The following DACH2 variants were observed in gnomAD, a reference collection of about 807,000 sequenced individuals.
DACH2 encodes dachshund family transcription factor 2.
A neutral mutation model predicts 35.8 loss-of-function variants in DACH2; 17 were observed. The ratio of observed to expected loss-of-function variants is 0.48; its 90% confidence interval spans 0.33 to 0.71. The LOEUF (loss-of-function observed/expected upper bound fraction) is 0.71, where lower values mean the gene tolerates loss of function less well. Ranked by LOEUF, DACH2 falls within the 30% of genes least tolerant of loss-of-function variation. DACH2 has a pLI of 0.02. For synonymous variants in DACH2, 195 were observed against 177.3 expected, an observed-to-expected ratio of 1.10 and a Z score of -0.79; for missense variants, 469 against 472.7, an observed-to-expected ratio of 0.99 and a Z score of 0.07.
intron 1 of DACH2, among the ~76,000 whole-genome samples, chrX:86,155,318 T>C (rs1168773950): frequency 9.0e-6 from 1 of 110,810 alleles, no homozygotes; most frequent in Non-Finnish European, 1.9e-5. Context: ...ATTCACTTGG[T>C]AATGCTGAAA....
chrX:86,625,050 G>A (rs771015074), intron 3 of DACH2, among the ~76,000 whole-genome samples: 18 of 111,561 alleles, frequency 1.6e-4, no homozygotes, highest in African/African-American at 5.2e-4. Context: ...TAGTATGCCC[G>A]TTAGCAACCT....
intron 1 of DACH2, among the ~76,000 whole-genome samples, chrX:86,225,081 A>G (rs1219559220): frequency 9.0e-6 from 1 of 111,696 alleles, no homozygotes; most frequent in Non-Finnish European, 1.9e-5. Flanking sequence ...TTTTGCATGT[A>G]CTCAATTAAA....
chrX:86,580,464 A>G (rs1245882259), intron 3 of DACH2, among the ~76,000 whole-genome samples: 1 of 111,912 alleles, frequency 8.9e-6, no homozygotes, highest in East Asian at 2.8e-4. Flanking sequence ...TAAAATTGAA[A>G]CCCAATTCAA....
chrX:86,301,397 T>TA (rs1171142970), intron 1 of DACH2, among the ~76,000 whole-genome samples: 7 of 111,820 alleles, frequency 6.3e-5, no homozygotes, highest in Non-Finnish European at 1.1e-4. Flanking sequence ...GCTTCAGTGA[T>TA]AAAAAATTAT....
intron 2 of DACH2, among the ~76,000 whole-genome samples, chrX:86,492,219 G>A (rs185971885): frequency 2.7e-5 from 3 of 110,086 alleles, no homozygotes; most frequent in Admixed American, 9.8e-5. Context: ...ATTCTTCCAC[G>A]TCTGTGTTTT....
chrX:86,820,471 T>A lies in DACH2; in HGVS notation c.1750+4372T>A, dbSNP rs576386314. Among the ~76,000 whole-genome samples the A allele has an allele frequency of 2.8e-4, 31 of 110,355 alleles. 1 individual carries two copies. The South Asian group carries it at 0.012, about 42-fold the overall frequency. ...AAGTAAACCTACTAGACCTTTTTTTTTTCCTGAACCATTTTTGCTCAGAAA... is the reference window on the plus strand; with the variant it reads ...AAGTAAACCTACTAGACCTTTTTTTATTCCTGAACCATTTTTGCTCAGAAA... On this transcript the variant is annotated intron_variant, in intron 11 of 11. Coordinates refer to ENST00000373125, the MANE Select transcript of DACH2 (RefSeq NM_053281.3).
rs1050820746 is a variant in DACH2, at chrX:86,587,541, A to T, written c.641-63495A>T. Among the ~76,000 whole-genome samples the T allele has an allele frequency of 2.7e-5, 3 of 110,816 alleles. No individual in the cohort carries two copies. The Admixed American group carries it at 2.9e-4, about 11-fold the overall frequency. On this transcript the variant is annotated intron_variant, in intron 3 of 11. Coordinates refer to ENST00000373125, the MANE Select transcript of DACH2 (RefSeq NM_053281.3). ...TTTTGCATATTCAGTATGATGTTGGATGTGGATTTGTCATCGATGGCTCTA... is the reference window on the plus strand; with the variant it reads ...TTTTGCATATTCAGTATGATGTTGGTTGTGGATTTGTCATCGATGGCTCTA...
intron 1 of DACH2, among the ~76,000 whole-genome samples, chrX:86,255,792 A>G (rs930201437): frequency 3.6e-5 from 4 of 112,300 alleles, no homozygotes; most frequent in Non-Finnish European, 5.6e-5. Context: ...TTAAGATGAT[A>G]TTAGTGAAGT....
chrX:86,628,974 T>C (rs1462136878), intron 3 of DACH2, among the ~76,000 whole-genome samples: 1 of 112,487 alleles, frequency 8.9e-6, no homozygotes, highest in East Asian at 2.8e-4. Flanking sequence ...AAGTTAGCAC[T>C]ACAATTTAAT....
chrX:86,170,702 T>C (rs772424088), intron 1 of DACH2, among the ~76,000 whole-genome samples: 1 of 112,528 alleles, frequency 8.9e-6, no homozygotes, highest in East Asian at 2.8e-4. Flanking sequence ...AGTCAGCTTG[T>C]CGTTGTTAAC....
intron 2 of DACH2, among the ~76,000 whole-genome samples, chrX:86,416,432 G>T (rs73631936): frequency 0.011 from 1,266 of 111,662 alleles, 18 homozygotes; most frequent in African/African-American, 0.039. Context: ...AATATTCAAG[G>T]TGTATGTGTG....
intron 4 of DACH2, among the ~76,000 whole-genome samples, chrX:86,684,789 G>C (rs2040922653): frequency 9.1e-6 from 1 of 110,309 alleles, no homozygotes; most frequent in East Asian, 2.9e-4. Flanking sequence ...TGTAATTCAA[G>C]GCAGTCATTG....
At chrX:86,713,627 A>G (rs2041302492) in intron 5 of DACH2, among the ~76,000 whole-genome samples, 1 of 111,480 alleles carries the variant, frequency 9.0e-6, no homozygotes, top group Non-Finnish European at 1.9e-5. Flanking sequence ...TGTAGAGGTA[A>G]TTGTTTGTAA....
chrX:86,474,188 T>C (rs1306397265), intron 2 of DACH2, among the ~76,000 whole-genome samples: 2 of 112,077 alleles, frequency 1.8e-5, no homozygotes, highest in Non-Finnish European at 3.8e-5. Flanking sequence ...TATGCAAATA[T>C]TTGTCCCATT....
At chrX:86,788,441 A>G (rs1247679457) in intron 7 of DACH2, among the ~76,000 whole-genome samples, 1 of 110,842 alleles carries the variant, frequency 9.0e-6, no homozygotes, top group Non-Finnish European at 1.9e-5. Flanking sequence ...GTTCATTTCC[A>G]CCTAACTACC....
chrX:86,230,018 A>AATGGC (rs1365000325), intron 1 of DACH2, among the ~76,000 whole-genome samples: 1 of 110,391 alleles, frequency 9.1e-6, no homozygotes, highest in African/African-American at 3.3e-5. Flanking sequence ...GAGTGGTGAG[A>AATGGC]ATGGCATCCT....
intron 11 of DACH2, among the ~76,000 whole-genome samples, chrX:86,825,745 C>T (rs1297956169): frequency 4.5e-5 from 5 of 111,618 alleles, no homozygotes; most frequent in African/African-American, 6.5e-5. Flanking sequence ...TCAACAGTTG[C>T]AGATCTCTGT....
rs148745816 is a variant in DACH2, at chrX:86,221,903, G to A, written c.488+72795G>A. On this transcript the variant is annotated intron_variant, in intron 1 of 11. Transcript: ENST00000373125. ...CTTTCTCCTTAGCTTGCAGATGGCT[G>A]CCTTCTTGCTGTATCCTCACACGGC... is the stretch of plus-strand genomic sequence containing the variant. Among the ~76,000 whole-genome samples, 378 of 112,309 alleles carry A rather than the reference G, an allele frequency of 3.4e-3. 2 individuals are homozygous for A. Among genetic ancestry groups the A allele is most frequent in the African/African-American group, 0.012 (365 of 30,911 alleles).
intron 7 of DACH2, among the ~76,000 whole-genome samples, chrX:86,771,309 T>TA (rs368431050): frequency 1.8e-5 from 2 of 112,630 alleles, no homozygotes; most frequent in African/African-American, 6.4e-5. Flanking sequence ...TTCTTACTGC[T>TA]AAAAAAATGT....
Sources: gnomAD v4.1 joint callset for allele counts (sites outside exome capture counted in the v4.1 genomes callset) on GRCh38, gnomAD v4.1.1 for gene constraint, MANE v1.5 for transcripts, NCBI Gene and HGNC (gene_info 2026-07-23, HGNC 2026-07-21) for gene names.